CACNA2D2: variants seen among roughly 807,000 people sequenced by gnomAD.
CACNA2D2 encodes the protein voltage-dependent calcium channel subunit alpha-2/delta-2.
CACNA2D2 carries 48 observed loss-of-function variants against 166.4 expected under a neutral mutation model. The ratio of observed to expected loss-of-function variants is 0.29; its 90% CI spans 0.23 to 0.37. CACNA2D2 has a LOEUF of 0.37. CACNA2D2 is among the 10% of genes least tolerant of loss of function. The pLI, the probability that CACNA2D2 is intolerant of heterozygous loss-of-function variation, is 1.00. For synonymous variants in CACNA2D2, 561 were observed against 573.7 expected (o/e 0.98, Z 0.32); for missense variants, 1,122 against 1,433.0 (o/e 0.78, Z 3.50).
Position 50,365,360 on chromosome 3 carries a change from A to G in CACNA2D2, c.3094T>C (p.Ser1032Pro), listed in dbSNP as rs1410449507. 1.2e-6 allele frequency: 2 copies of G among 1,613,026 alleles called. No homozygotes were observed. The highest frequency in any genetic ancestry group is 3.3e-5 in the Admixed American group (2 of 59,920). ...YNAIIDCGNC[S>P]RLFHAQRLTN... ...GTCCCGCCCCACTGCCAGCACCTGG[A>G]GCAGTTTCCGCAGTCGATGATGGCG... The change falls in exon 35 of 38, where the codon TCC (serine) becomes CCC (proline). Residue 1032 changes from serine (S) to proline (P), a missense_variant. This residue lies in a region of CACNA2D2 where 282 missense variants were observed against 266.2 expected (regional missense o/e 1.06). Coordinates refer to ENST00000424201, the MANE Select transcript of CACNA2D2 (RefSeq NM_006030.4). This position sits in a 1 kb window ranked among gnomAD's most constrained non-coding sequence, Gnocchi z 4.5.
intron 4 of CACNA2D2, among the ~76,000 whole-genome samples, chr3:50,392,455 C>T (rs141831390): frequency 2.2e-4 from 34 of 152,306 alleles, no homozygotes; most frequent in African/African-American, 5.8e-4. Context: ...GGCAGGCACC[C>T]GGTGGGATGT....
At chr3:50,384,035 A>G (rs1705459516) in intron 6 of CACNA2D2, among the ~76,000 whole-genome samples, 161 bp downstream of exon 6, 2 of 152,206 alleles carry the variant, frequency 1.3e-5, no homozygotes, top group Non-Finnish European at 1.5e-5. Flanking sequence ...TGATGCCCAC[A>G]TGTGGGTGAA....
At chr3:50,397,656 T>G (rs1575626338) in intron 3 of CACNA2D2, among the ~76,000 whole-genome samples, 1 of 152,186 alleles carries the variant, frequency 6.6e-6, no homozygotes, top group Non-Finnish European at 1.5e-5. Context: ...GCCCCCTTCC[T>G]CCAACCCTCA....
rs1699070453 is a variant in CACNA2D2, at chr3:50,503,447, G to T, written c.-24C>A. On this transcript the variant is annotated 5_prime_UTR_variant, in exon 1 of 38. Coordinates refer to ENST00000424201, the MANE Select transcript of CACNA2D2 (RefSeq NM_006030.4). Reference sequence around the variant, plus strand: ...ATGTTTCCATTCAAGATGCGGCGCCGCGGGGAGGGGGGGCAGTGGCGGCGG... The same window carrying T: ...ATGTTTCCATTCAAGATGCGGCGCCTCGGGGAGGGGGGGCAGTGGCGGCGG... 3 of 201,562 alleles carry T rather than the reference G, an allele frequency of 1.5e-5. No homozygotes were observed. In the South Asian group the frequency reaches 4.9e-4, roughly 33 times the overall value. 12.5% of individuals were successfully genotyped at this position (201,562 alleles called of 1,614,324 possible). A position where few individuals can be genotyped will look rare whatever the true frequency, so the allele number is the denominator to read the frequency against.
chr3:50,432,986 T>C (rs1180562396), intron 3 of CACNA2D2, among the ~76,000 whole-genome samples: 3 of 152,170 alleles, frequency 2.0e-5, no homozygotes, highest in Non-Finnish European at 4.4e-5. Context: ...GACTTGCTCA[T>C]TTAAAAAAAC....
chr3:50,493,367 T>C (rs896828324), intron 1 of CACNA2D2, among the ~76,000 whole-genome samples: 21 of 152,352 alleles, frequency 1.4e-4, no homozygotes, highest in African/African-American at 4.8e-4. Flanking sequence ...GGAAGTCGGC[T>C]GGGGGCTTCT....
intron 23 of CACNA2D2, among the ~76,000 whole-genome samples, chr3:50,369,512 G>A (rs1704536930): frequency 6.6e-6 from 1 of 152,216 alleles, no homozygotes; most frequent in Non-Finnish European, 1.5e-5. Flanking sequence ...GAGAAACTGG[G>A]TGCATGCACA....
chr3:50,365,234 C>G lies in CACNA2D2; in HGVS notation c.3099-50G>C. On this transcript the variant is annotated intron_variant, in intron 35 of 37. Transcript: ENST00000424201. This position sits in a 1 kb window ranked among gnomAD's most constrained non-coding sequence, Gnocchi z 4.5. The stretch of plus-strand genomic sequence containing the variant: ...GCGTTGAGTTTGCCCCGCCCTGACC[C>G]ACCCCCATCCTGCGGCCCCGCCCCC... 1 of 1,564,582 alleles carries G rather than the reference C, an allele frequency of 6.4e-7. No homozygotes were observed. Among genetic ancestry groups the G allele is most frequent in the South Asian group, 1.1e-5 (1 of 89,052 alleles).
At chr3:50,475,858 A>G (rs1031207789) in intron 2 of CACNA2D2, among the ~76,000 whole-genome samples, 11 of 152,088 alleles carry the variant, frequency 7.2e-5, no homozygotes, top group African/African-American at 2.2e-4. Flanking sequence ...TGAAAGCCCA[A>G]AAAGCTCCAA....
intron 1 of CACNA2D2, among the ~76,000 whole-genome samples, chr3:50,477,665 C>T (rs1208183565): frequency 6.6e-6 from 1 of 152,158 alleles, no homozygotes; most frequent in Non-Finnish European, 1.5e-5. Flanking sequence ...CCAGGAAGGG[C>T]GCACAAAAAA....
chr3:50,431,022 GA>G (rs1275464668), intron 3 of CACNA2D2, among the ~76,000 whole-genome samples: 1 of 152,152 alleles, frequency 6.6e-6, no homozygotes, highest in African/African-American at 2.4e-5. Context: ...TCCCTGATTA[GA>G]TGAGACAATG....
At chr3:50,465,476 C>T (rs1177548880) in intron 2 of CACNA2D2, among the ~76,000 whole-genome samples, 2 of 152,168 alleles carry the variant, frequency 1.3e-5, no homozygotes, top group African/African-American at 4.8e-5. Flanking sequence ...TGAGGGGCAG[C>T]AGGTCTGCCT....
At chr3:50,483,792 G>T (rs1432382247) in intron 1 of CACNA2D2, among the ~76,000 whole-genome samples, 4 of 152,198 alleles carry the variant, frequency 2.6e-5, no homozygotes, top group Non-Finnish European at 5.9e-5. Context: ...CAAGGGGTCT[G>T]ATGGGGGCCC....
chr3:50,464,763 T>C (rs1334614902), intron 2 of CACNA2D2, among the ~76,000 whole-genome samples: 10 of 152,326 alleles, frequency 6.6e-5, no homozygotes. Flanking sequence ...ATTTACATAA[T>C]GCATCCAGTG....
At chr3:50,487,452 C>T (rs1483906973) in intron 1 of CACNA2D2, among the ~76,000 whole-genome samples, 1 of 152,158 alleles carries the variant, frequency 6.6e-6, no homozygotes, top group Admixed American at 6.5e-5. Context: ...GGGAGAATGC[C>T]CACTTCCTCT....
intron 1 of CACNA2D2, among the ~76,000 whole-genome samples, chr3:50,498,699 A>C (rs989378599): frequency 2.6e-5 from 4 of 152,234 alleles, no homozygotes; most frequent in African/African-American, 9.6e-5. Context: ...TGAGACCCAG[A>C]GGAGGAAAGA....
At chr3:50,387,217 T>C (rs1284767527) in intron 5 of CACNA2D2, among the ~76,000 whole-genome samples, 1 of 152,136 alleles carries the variant, frequency 6.6e-6, no homozygotes, top group Non-Finnish European at 1.5e-5. Flanking sequence ...TGCATCCTGC[T>C]CACACCTGCC....
rs1441131655 is a variant in CACNA2D2 at position 50,379,096 on chromosome 3, C to T, written c.1256G>A (p.Arg419Gln). 21 of 1,613,556 alleles carry T rather than the reference C, an allele frequency of 1.3e-5. No homozygotes were observed. Among genetic ancestry groups the T allele is most frequent in the Non-Finnish European group, 1.4e-5 (17 of 1,179,712 alleles). The change falls in exon 12 of 38, where the codon CGG (arginine) becomes CAG (glutamine). Residue 419 changes from arginine (R) to glutamine (Q), a missense_variant. Arg to Gln is a conservative substitution (Grantham distance 43). Transcript: ENST00000424201. The surrounding 1 kb of genome is among the most constrained non-coding windows in gnomAD (Gnocchi z 6.5). ...CCTGCCTCGGTTGAGCCTCACCGTCCGGTTTGGCCAATTGTACTTCTCAAA... is the reference window on the plus strand; with the variant it reads ...CCTGCCTCGGTTGAGCCTCACCGTCTGGTTTGGCCAATTGTACTTCTCAAA... ...DVFEKYNWPN[R>Q]TVRVFTFSVG...
rs1290641949 is a variant in CACNA2D2, at chr3:50,427,999, G to A, written c.405+6314C>T. 1.3e-5 allele frequency among the ~76,000 whole-genome samples: 2 copies of A among 152,250 alleles called. No individual in the cohort carries two copies. Among genetic ancestry groups the A allele is most frequent in the African/African-American group, 2.4e-5 (1 of 41,544 alleles). Reference sequence around the variant, plus strand: ...TTCCTGTGACCTCTTTGGACTGAAGGGATCTTTCTCCTGCTGGCCCTTCTG... The same window carrying A: ...TTCCTGTGACCTCTTTGGACTGAAGAGATCTTTCTCCTGCTGGCCCTTCTG... On this transcript the variant is annotated intron_variant, in intron 3 of 37. Coordinates refer to ENST00000424201, the MANE Select transcript of CACNA2D2 (RefSeq NM_006030.4). The surrounding 1 kb of genome is among the most constrained non-coding windows in gnomAD (Gnocchi z 4.7).
Sources: gnomAD v4.1 joint callset for allele counts (sites outside exome capture counted in the v4.1 genomes callset) on GRCh38, gnomAD v4.1.1 for gene constraint, gnomAD v4.1.1 regional missense constraint, Gnocchi (gnomAD v3.1) non-coding constraint, MANE v1.5 for transcripts, NCBI Gene and HGNC (gene_info 2026-07-23, HGNC 2026-07-21) for gene names.